Variants in ZDHHC21 observed in about 807,000 individuals in gnomAD.
The protein encoded by ZDHHC21 is palmitoyltransferase ZDHHC21.
A neutral mutation model predicts 34.6 loss-of-function variants in ZDHHC21; 15 were observed. The observed-to-expected ratio is 0.43, with a 90% CI of 0.29 to 0.67. ZDHHC21 has a LOEUF of 0.67. Ranked by LOEUF, ZDHHC21 falls within the 30% of genes least tolerant of loss-of-function variation. The pLI, the probability that ZDHHC21 is intolerant of heterozygous loss-of-function variation, is 0.14. For synonymous variants in ZDHHC21, 142 were observed against 101.8 expected, an observed-to-expected ratio of 1.40 and a Z score of -2.38; for missense variants, 344 against 327.7, an observed-to-expected ratio of 1.05 and a Z score of -0.38.
chr9:14,634,798 A>G (rs1827982540), intron 8 of ZDHHC21, among the ~76,000 whole-genome samples: 1 of 152,224 alleles, frequency 6.6e-6, no homozygotes, highest in Non-Finnish European at 1.5e-5. Context: ...AAAAAGCAGG[A>G]AATATGGCAC....
In ZDHHC21 at chr9:14,686,984, A is replaced by AC. The variant is rs984651141; in HGVS notation, c.-176+3352_-176+3353insG. Among the ~76,000 whole-genome samples the AC allele has an allele frequency of 2.1e-4, 31 of 150,090 alleles. 2 individuals are homozygous for AC. Among genetic ancestry groups the AC allele is most frequent in the African/African-American group, 7.8e-4 (31 of 39,700 alleles). On this transcript the variant is annotated intron_variant, in intron 2 of 9. Transcript: ENST00000380916. ...CGAGACTTCATCTCAAAAAAACAAAAAAAAAAACAATGTTAAAGAGCTGCT... is the reference window on the plus strand; with the variant it reads ...CGAGACTTCATCTCAAAAAAACAAAACAAAAAAACAATGTTAAAGAGCTGCT...
chr9:14,660,003 G>C (rs1192312816), intron 6 of ZDHHC21, among the ~76,000 whole-genome samples: 2 of 152,100 alleles, frequency 1.3e-5, no homozygotes, highest in Non-Finnish European at 2.9e-5. Context: ...TTCTTAACCA[G>C]AACAGCTTTA....
chr9:14,596,162 C>T, the ZDHHC21 span, among the ~76,000 whole-genome samples: 1 of 152,164 alleles, frequency 6.6e-6, no homozygotes, highest in African/African-American at 2.4e-5. Context: ...TGGAAAGCAA[C>T]CCAAATGTTT....
At chr9:14,664,769 A>G (rs1587296080) in intron 5 of ZDHHC21, among the ~76,000 whole-genome samples, 1 of 151,886 alleles carries the variant, frequency 6.6e-6, no homozygotes, top group Admixed American at 6.6e-5. Context: ...GTATTCCAAC[A>G]GACCTGCAGC....
At chr9:14,606,072 C>G (rs996465621), downstream of ZDHHC21, among the ~76,000 whole-genome samples, 6 of 151,934 alleles carry the variant, frequency 3.9e-5, no homozygotes, top group Non-Finnish European at 8.8e-5. Flanking sequence ...GTAATAAAAC[C>G]CAGAAGTCAT....
chr9:14,619,265 T>C (rs1824830005), intron 9 of ZDHHC21, among the ~76,000 whole-genome samples, 167 bp from the exon 10 acceptor site: 1 of 152,146 alleles, frequency 6.6e-6, no homozygotes, highest in African/African-American at 2.4e-5. Flanking sequence ...GAGTTTTAAC[T>C]CTGGATAGCA....
downstream of ZDHHC21, among the ~76,000 whole-genome samples, chr9:14,608,088 T>C (rs1823073870): frequency 6.6e-6 from 1 of 152,176 alleles, no homozygotes; most frequent in South Asian, 2.1e-4. Context: ...CCCTTCATAC[T>C]GGTTACTTCT....
At position 14,613,103 on chromosome 9, in the gene ZDHHC21, A is replaced by G. The variant is rs369575507; in HGVS notation, c.*5863T>C. The G allele has an allele frequency of 1.3e-5, 2 of 151,876 alleles. No individual in the cohort carries two copies. Among genetic ancestry groups the G allele is most frequent in the Non-Finnish European group, 2.9e-5 (2 of 67,830 alleles). 9.4% of individuals were successfully genotyped at this position (151,876 alleles called of 1,614,324 possible). Reference sequence around the variant, plus strand: ...CTACCTTTTAAAGTAGCCAAGCTATATTAAAATACAAAATTAAAATCCATA... The same window carrying G: ...CTACCTTTTAAAGTAGCCAAGCTATGTTAAAATACAAAATTAAAATCCATA... On this transcript the variant is annotated 3_prime_UTR_variant, in exon 10 of 10. Transcript: ENST00000380916.
At position 14,665,249 on chromosome 9, in the gene ZDHHC21, C is replaced by T. The variant is rs1286962305; in HGVS notation, c.254-2923G>A. Reference sequence around the variant, plus strand: ...GATCAACTGGAAGAAAGGGTATCAGCAATGGAAGATGAAATGAATGAAATG... The same window carrying T: ...GATCAACTGGAAGAAAGGGTATCAGTAATGGAAGATGAAATGAATGAAATG... On this transcript the variant is annotated intron_variant, in intron 5 of 9. Transcript: ENST00000380916. Among the ~76,000 whole-genome samples the T allele has an allele frequency of 2.4e-4, 28 of 117,774 alleles. 2 individuals carry two copies. Among genetic ancestry groups the T allele is most frequent in the African/African-American group, 8.2e-4 (26 of 31,576 alleles). 77.3% of individuals were successfully genotyped at this position (117,774 alleles called of 152,430 possible).
At chr9:14,653,727 T>C (rs1831668474) in intron 7 of ZDHHC21, among the ~76,000 whole-genome samples, 1 of 152,002 alleles carries the variant, frequency 6.6e-6, no homozygotes, top group African/African-American at 2.4e-5. Flanking sequence ...TTACATAGAC[T>C]ATGATGTGAG....
chr9:14,632,845 T>A (rs935247630), intron 8 of ZDHHC21, among the ~76,000 whole-genome samples: 3 of 152,080 alleles, frequency 2.0e-5, no homozygotes, highest in Non-Finnish European at 4.4e-5. Context: ...CTCGACCTCA[T>A]TAGATCACCA....
chr9:14,641,789 C>T (rs184797802), intron 7 of ZDHHC21, among the ~76,000 whole-genome samples: 1 of 152,262 alleles, frequency 6.6e-6, no homozygotes, highest in African/African-American at 2.4e-5. Flanking sequence ...CCATGTTTAT[C>T]ATAGTATTTA....
the ZDHHC21 span, among the ~76,000 whole-genome samples, chr9:14,604,801 G>A: frequency 6.6e-6 from 1 of 152,096 alleles, no homozygotes; most frequent in Non-Finnish European, 1.5e-5. Context: ...TAAGCATAAT[G>A]TTATACAACA....
In ZDHHC21 at chr9:14,644,260, A is replaced by T. The variant is rs1033341771; in HGVS notation, c.505-4248T>A. 3.9e-4 allele frequency among the ~76,000 whole-genome samples: 60 copies of T among 152,294 alleles called. 1 individual carries two copies. Among genetic ancestry groups the T allele is most frequent in the African/African-American group, 1.4e-3 (60 of 41,574 alleles). On this transcript the variant is annotated intron_variant, in intron 7 of 9. Transcript: ENST00000380916. ...AGTCACATTTTTTATACTTTCTTAA[A>T]AACCCAAAAGAATCTATAGATAAAT...
rs775090946 is a variant in ZDHHC21 at position 14,672,840 on chromosome 9, G to T, written c.243C>A (p.Ile81=). The T allele has an allele frequency of 1.2e-6, 2 of 1,606,308 alleles. No homozygotes were observed. The highest frequency in any genetic ancestry group is 3.3e-5 in the Admixed American group (2 of 59,764). The change falls in exon 5 of 10, where the codon ATC becomes ATA. Residue 81 remains isoleucine, a synonymous_variant. Transcript: ENST00000380916. ...TCCAGAGTACCATACCTCCATGTGGGATCTTGGGGTTCTCAGGGAGTCTTC... is the reference window on the plus strand; with the variant it reads ...TCCAGAGTACCATACCTCCATGTGGTATCTTGGGGTTCTCAGGGAGTCTTC... ...DPGRLPENPK[I]PHGEREFWEL... is the part of the protein sequence containing the mutation.
intron 5 of ZDHHC21, among the ~76,000 whole-genome samples, chr9:14,666,532 T>C (rs1834474063): frequency 1.0e-5 from 1 of 98,718 alleles, no homozygotes; most frequent in African/African-American, 3.3e-5. Context: ...CCACCCCAAA[T>C]CAACAGAATA....
In ZDHHC21 at chr9:14,619,659, C is replaced by T. The variant is rs753123317; in HGVS notation, c.645G>A (p.Met215Ile). The change falls in exon 9 of 10, where the codon ATG becomes ATA. Residue 215 changes from methionine to isoleucine, a missense_variant. Physicochemically the swap from Met to Ile is conservative, Grantham distance 10. Transcript: ENST00000380916. ...IITDTTSIEK[M>I]SNCCEDISRP... Reference sequence around the variant, plus strand: ...CTTACATATCTTCACAACAGTTTGACATCTTTTCAATAGATGTTGTATCCT... The same window carrying T: ...CTTACATATCTTCACAACAGTTTGATATCTTTTCAATAGATGTTGTATCCT... 1 of 1,408,154 alleles carries T rather than the reference C, an allele frequency of 7.1e-7. No individual in the cohort carries two copies. Among genetic ancestry groups the T allele is most frequent in the Non-Finnish European group, 9.8e-7 (1 of 1,024,336 alleles). 87.2% of individuals were successfully genotyped at this position (1,408,154 alleles called of 1,614,324 possible). A position where few individuals can be genotyped will look rare whatever the true frequency, so the allele number is the denominator to read the frequency against.
intron 7 of ZDHHC21, among the ~76,000 whole-genome samples, chr9:14,655,219 C>G (rs979395812): frequency 2.8e-4 from 43 of 152,028 alleles, no homozygotes; most frequent in African/African-American, 1.0e-3. Context: ...CTTTTAAAAA[C>G]TGAACGAAAG....
chr9:14,595,199 C>T, the ZDHHC21 span, among the ~76,000 whole-genome samples: 1 of 152,140 alleles, frequency 6.6e-6, no homozygotes, highest in East Asian at 1.9e-4. Flanking sequence ...TATGTCCACA[C>T]ATTTTTATGT....
Sources: gnomAD v4.1 joint callset for allele counts (sites outside exome capture counted in the v4.1 genomes callset) on GRCh38, gnomAD v4.1.1 for gene constraint, MANE v1.5 for transcripts, NCBI Gene and HGNC (gene_info 2026-07-23, HGNC 2026-07-21) for gene names.